NUCB2: variants seen among roughly 807,000 people sequenced by gnomAD.
NUCB2 encodes nucleobindin 2, also known as nucleobindin-2.
In NUCB2, 48 loss-of-function variants were observed where a neutral mutation model predicts 57.9. The observed-to-expected ratio is 0.83, with a 90% CI of 0.66 to 1.05. The LOEUF (loss-of-function observed/expected upper bound fraction) is 1.05. Among genes scored for constraint, NUCB2 ranks in the 50% least tolerant of loss-of-function variants. The probability of loss-of-function intolerance (pLI) is 0.00; values close to 1 mark genes in which losing one functional copy is unlikely to be tolerated. For synonymous variants in NUCB2, 139 were observed against 152.1 expected (o/e 0.91, Z 0.64); for missense variants, 442 against 476.2 (o/e 0.93, Z 0.67).
chr11:17,315,283 G>T, intron 10 of NUCB2, 103 bp from the exon 11 acceptor site: 2 of 543,282 alleles, frequency 3.7e-6, no homozygotes, highest in South Asian at 7.7e-5. Flanking sequence ...AGTCCTAATT[G>T]CTGTATGTTT....
At chr11:17,346,904 A>C (rs752176413) in intron 2 of NUCB2, among the ~76,000 whole-genome samples, 48 of 152,140 alleles carry the variant, frequency 3.2e-4, no homozygotes, top group Middle Eastern at 3.4e-3. Context: ...TGTTATTTTG[A>C]AAAAAAATTA....
exon 3 of NUCB2, chr11:17,349,806 T>TG (rs1016218741): frequency 9.2e-5 from 14 of 152,352 alleles, no homozygotes; most frequent in African/African-American, 3.4e-4. Context: ...GATTACTTGT[T>TG]GGATATTTTC....
chr11:17,323,275 G>A (rs147657093), intron 11 of NUCB2, among the ~76,000 whole-genome samples: 2 of 152,058 alleles, frequency 1.3e-5, no homozygotes, highest in East Asian at 1.9e-4. Context: ...TTTTTTGAGG[G>A]TTTTCATCAT....
intron 2 of NUCB2, among the ~76,000 whole-genome samples, chr11:17,286,157 C>T (rs546492738): frequency 2.0e-5 from 3 of 152,136 alleles, no homozygotes; most frequent in African/African-American, 7.2e-5. Flanking sequence ...CCTCATCCCC[C>T]ACCAAGTAGC....
intron 2 of NUCB2, among the ~76,000 whole-genome samples, chr11:17,343,341 A>C (rs1362867027): frequency 6.6e-6 from 1 of 152,206 alleles, no homozygotes; most frequent in African/African-American, 2.4e-5. Flanking sequence ...TCTCTTTGCT[A>C]TCTCCCATGA....
intron 11 of NUCB2, among the ~76,000 whole-genome samples, chr11:17,324,930 T>C (rs1331682775): frequency 6.6e-6 from 1 of 151,998 alleles, no homozygotes; most frequent in African/African-American, 2.4e-5. Flanking sequence ...GCCTCCTGAG[T>C]AGCTGGGATT....
At position 17,310,236 on chromosome 11, in the gene NUCB2, CTT is replaced by C. The variant is rs201890915; in HGVS notation, c.483+572_483+573del. On this transcript the variant is annotated intron_variant, in intron 6 of 13. Coordinates refer to ENST00000529010, the MANE Select transcript of NUCB2 (RefSeq NM_005013.4). ...ATTTGATAATAGTTCCTTTCTTCTT[CTT>C]TTTTTTTTTTAAATCAACTTACATA... Among the ~76,000 whole-genome samples, 39 of 147,032 alleles carry C rather than the reference CTT, an allele frequency of 2.7e-4. No individual in the cohort carries two copies. The South Asian group carries it at 4.0e-3, about 15-fold the overall frequency.
At position 17,330,188 on chromosome 11, in the gene NUCB2, C is replaced by G. The variant is rs754325349; in HGVS notation, c.1064C>G (p.Ala355Gly). 2 of 1,593,466 alleles carry G rather than the reference C, an allele frequency of 1.3e-6. No homozygotes were observed. Among genetic ancestry groups the G allele is most frequent in the African/African-American group, 2.7e-5 (2 of 74,474 alleles). The stretch of plus-strand genomic sequence containing the variant: ...CTAAAAGAATATGAAAATATTATTG[C>G]TTTACAAGAAAATGAACTTAAGAAG... ...EELKEYENIIALQENELKKKA... is the reference protein window; with the variant it reads ...EELKEYENIIGLQENELKKKA... Residue 355 changes from alanine (A) to glycine (G), a missense_variant, in exon 12 of 14, where the codon GCT becomes GGT. Transcript: ENST00000529010. This position sits in a 1 kb window ranked among gnomAD's most constrained non-coding sequence, Gnocchi z 4.3.
chr11:17,293,531 A>G (rs896973219), intron 2 of NUCB2, among the ~76,000 whole-genome samples: 1 of 152,210 alleles, frequency 6.6e-6, no homozygotes, highest in Non-Finnish European at 1.5e-5. Flanking sequence ...TGACTCAGCA[A>G]TTCTACTCCT....
chr11:17,291,101 A>G (rs767924111), intron 2 of NUCB2: 1 of 151,800 alleles, frequency 6.6e-6, no homozygotes, highest in Non-Finnish European at 1.5e-5. Context: ...GCAGCCCTCA[A>G]CAACCTGTAA....
At chr11:17,292,860 TATA>T (rs1424496654) in intron 2 of NUCB2, among the ~76,000 whole-genome samples, 1 of 152,212 alleles carries the variant, frequency 6.6e-6, no homozygotes, top group Non-Finnish European at 1.5e-5. Flanking sequence ...TGTTGTTATT[TATA>T]ATAAGCATGG....
Position 17,330,192 on chromosome 11 carries a change from A to G in NUCB2, c.1068A>G (p.Leu356=). 6.3e-7 allele frequency: 1 copy of G among 1,598,130 alleles called. No homozygotes were observed. The highest frequency in any genetic ancestry group is 1.3e-5 in the African/African-American group (1 of 74,754). The change falls in exon 12 of 14, where the codon TTA becomes TTG. Residue 356 remains leucine (L), a synonymous_variant. Coordinates refer to ENST00000529010, the MANE Select transcript of NUCB2 (RefSeq NM_005013.4). This position sits in a 1 kb window ranked among gnomAD's most constrained non-coding sequence, Gnocchi z 4.3. The part of the protein sequence containing the change: ...ELKEYENIIA[L]QENELKKKAD... ...AAGAATATGAAAATATTATTGCTTT[A>G]CAAGAAAATGAACTTAAGAAGAAGG...
rs1951196011 is a variant in NUCB2 at position 17,330,057 on chromosome 11, AT to A, written c.1003-66del. 2 of 882,638 alleles carry A rather than the reference AT, an allele frequency of 2.3e-6. No individual in the cohort carries two copies. Among genetic ancestry groups the A allele is most frequent in the African/African-American group, 3.3e-5 (2 of 60,614 alleles). 54.7% of individuals were successfully genotyped at this position (882,638 alleles called of 1,614,324 possible). A position where few individuals can be genotyped will look rare whatever the true frequency, so the allele number is the denominator to read the frequency against. ...TCTTTTATACTTTGCTAACCATAGA[AT>A]TTTAAAGCTAAATCAGACTTTATTG... On this transcript the variant is annotated intron_variant, in intron 11 of 13. Transcript: ENST00000529010. The surrounding 1 kb of genome is among the most constrained non-coding windows in gnomAD (Gnocchi z 4.3).
intron 7 of NUCB2, 24 bp from the exon 8 acceptor site, chr11:17,311,169 C>T (rs759735325): frequency 6.3e-5 from 98 of 1,562,452 alleles, no homozygotes; most frequent in Non-Finnish European, 7.8e-5. Flanking sequence ...TTGTTTTGAG[C>T]AATTTTTTAA....
At chr11:17,312,501 T>A (rs187659040) in intron 10 of NUCB2, among the ~76,000 whole-genome samples, 1 of 151,908 alleles carries the variant, frequency 6.6e-6, no homozygotes, top group East Asian at 1.9e-4. Context: ...CCTCCCAGAT[T>A]CAAGCAATTC....
chr11:17,278,170 C>CTT (rs35441492), intron 1 of NUCB2, among the ~76,000 whole-genome samples: 1,577 of 85,084 alleles, frequency 0.019, 6 homozygotes, highest in East Asian at 0.021. Flanking sequence ...TTTTACCCAT[C>CTT]TTTTTTTTTT....
intron 2 of NUCB2, among the ~76,000 whole-genome samples, chr11:17,348,003 G>A (rs1424789130): frequency 6.6e-6 from 1 of 151,998 alleles, no homozygotes; most frequent in Non-Finnish European, 1.5e-5. Flanking sequence ...TTGAGGGCTT[G>A]GATTTTTATG....
chr11:17,285,161 C>T (rs371900172), intron 2 of NUCB2, among the ~76,000 whole-genome samples: 2 of 152,158 alleles, frequency 1.3e-5, no homozygotes, highest in African/African-American at 2.4e-5. Flanking sequence ...GGCGCGGTGG[C>T]TCATGCCTGT....
At chr11:17,333,675 A>G (rs1354508439), downstream of NUCB2, 1 of 152,210 alleles carries the variant, frequency 6.6e-6, no homozygotes, top group Non-Finnish European at 1.5e-5. Flanking sequence ...CTCTTCCCCT[A>G]GGATGGCTCC....
Sources: gnomAD v4.1 joint callset for allele counts (sites outside exome capture counted in the v4.1 genomes callset) on GRCh38, gnomAD v4.1.1 for gene constraint, Gnocchi (gnomAD v3.1) non-coding constraint, MANE v1.5 for transcripts, NCBI Gene and HGNC (gene_info 2026-07-23, HGNC 2026-07-21) for gene names.